The following PCDHA5 variants were observed in gnomAD, a reference collection of about 807,000 sequenced individuals.
PCDHA5 encodes protocadherin alpha 5, also known as protocadherin alpha-5.
PCDHA5 carries 43 observed loss-of-function variants against 61.6 expected under a neutral mutation model. The observed-to-expected ratio is 0.70, with a 90% CI of 0.55 to 0.90. The LOEUF (loss-of-function observed/expected upper bound fraction) is 0.90, where lower values mean the gene tolerates loss of function less well. PCDHA5 is among the 40% of genes least tolerant of loss of function. The pLI is 0.00. For synonymous variants in PCDHA5, 627 were observed against 543.9 expected, an observed-to-expected ratio of 1.15 and a Z score of -2.13; for missense variants, 1,298 against 1,222.7, an observed-to-expected ratio of 1.06 and a Z score of -0.92.
Position 140,882,398 on chromosome 5 carries a change from T to C in PCDHA5, c.2352+58271T>C, listed in dbSNP as rs782596260. The C allele has an allele frequency of 5.6e-6, 9 of 1,614,040 alleles. No individual in the cohort carries two copies. In the African/African-American group the frequency reaches 9.3e-5, roughly 17 times the overall value. On this transcript the variant is annotated intron_variant, in intron 1 of 3. Coordinates refer to ENST00000529859, the MANE Select transcript of PCDHA5 (RefSeq NM_018908.3). ...CCCCGAGGAAGCAAAACACGGCACCTTCGTGGGCCGCATCGCTCAGGACCT... is the reference window on the plus strand; with the variant it reads ...CCCCGAGGAAGCAAAACACGGCACCCTCGTGGGCCGCATCGCTCAGGACCT...
chr5:140,858,013 G>T, intron 1 of PCDHA5: 1 of 1,596,968 alleles, frequency 6.3e-7, no homozygotes, highest in Middle Eastern at 1.7e-4. Context: ...ACCATGGCGA[G>T]CCGTCGCTGA....
At chr5:140,955,293 T>A (rs2095165956) in intron 1 of PCDHA5, among the ~76,000 whole-genome samples, 1 of 152,182 alleles carries the variant, frequency 6.6e-6, no homozygotes, top group Non-Finnish European at 1.5e-5. Flanking sequence ...ATGGTTTGGC[T>A]GTGTCCCCAC....
At chr5:140,883,141 T>C (rs975281074) in intron 1 of PCDHA5, 5 of 1,614,092 alleles carry the variant, frequency 3.1e-6, no homozygotes, top group Non-Finnish European at 4.2e-6. Flanking sequence ...CAGTGGTATA[T>C]GCATTTACCA....
intron 1 of PCDHA5, chr5:140,857,275 C>T: frequency 6.3e-7 from 1 of 1,598,374 alleles, no homozygotes; most frequent in Non-Finnish European, 8.6e-7. Context: ...TGGTGCTGGA[C>T]AGCGCTCTGG....
chr5:140,929,306 A>G lies in PCDHA5; in HGVS notation c.2353-49643A>G, dbSNP rs781950847. 9 of 1,572,580 alleles carry G rather than the reference A, an allele frequency of 5.7e-6. No homozygotes were observed. The Admixed American group carries it at 9.0e-5, about 16-fold the overall frequency. On this transcript the variant is annotated intron_variant, in intron 1 of 3. Coordinates refer to ENST00000529859, the MANE Select transcript of PCDHA5 (RefSeq NM_018908.3). The stretch of plus-strand genomic sequence containing the variant: ...CAGATTCGGAATAGGAAAGGGGATC[A>G]CGCTAATGTCAATGCCATGGTAAGC...
In PCDHA5 at chr5:140,843,362, A is replaced by C. The variant is rs2150191261; in HGVS notation, c.2352+19235A>C. On this transcript the variant is annotated intron_variant, in intron 1 of 3. Transcript: ENST00000529859. ...CGGCCAGGCTCCAAAAGCGTCATCG[A>C]GGCAGTCGGCTGGCGTTTTGGGTCC... 3 of 1,595,998 alleles carry C rather than the reference A, an allele frequency of 1.9e-6. No homozygotes were observed. The East Asian group carries it at 6.7e-5, about 36-fold the overall frequency.
At chr5:140,849,595 C>T (rs2150441932) in intron 1 of PCDHA5, 1 of 1,598,688 alleles carries the variant, frequency 6.3e-7, no homozygotes, top group South Asian at 1.1e-5. Flanking sequence ...CAACTGGGGA[C>T]AGTTATTGCC....
intron 3 of PCDHA5, among the ~76,000 whole-genome samples, chr5:140,996,121 G>A (rs2097712758): frequency 6.6e-6 from 1 of 152,212 alleles, no homozygotes; most frequent in Admixed American, 6.5e-5. Flanking sequence ...GTGCAGGGTG[G>A]TGTAGAGGGT....
At chr5:140,858,437 G>A (rs1343643925) in intron 1 of PCDHA5, 1 of 1,541,834 alleles carries the variant, frequency 6.5e-7, no homozygotes, top group Non-Finnish European at 8.8e-7. Flanking sequence ...CTCTAGGAAG[G>A]TGGGTTATTA....
At chr5:140,828,189 A>G (rs2150152143) in intron 1 of PCDHA5, 1 of 1,613,890 alleles carries the variant, frequency 6.2e-7, no homozygotes, top group African/African-American at 1.3e-5. Context: ...CAGCTCCACT[A>G]CTCCGTACCC....
At chr5:140,981,289 C>G (rs1554242771) in intron 2 of PCDHA5, among the ~76,000 whole-genome samples, 1 of 152,138 alleles carries the variant, frequency 6.6e-6, no homozygotes, top group Non-Finnish European at 1.5e-5. Flanking sequence ...AAAGGGTCCT[C>G]TAGTCTAGGT....
Position 140,850,298 on chromosome 5 carries a change from G to C in PCDHA5, c.2352+26171G>C, listed in dbSNP as rs200693140. ...AGGTGCGCGCAGTGGACGCCGACTCGGGCTACAACGCGTGGCTTTCATACG... is the reference window on the plus strand; with the variant it reads ...AGGTGCGCGCAGTGGACGCCGACTCCGGCTACAACGCGTGGCTTTCATACG... On this transcript the variant is annotated intron_variant, in intron 1 of 3. Coordinates refer to ENST00000529859, the MANE Select transcript of PCDHA5 (RefSeq NM_018908.3). The C allele has an allele frequency of 4.2e-5, 67 of 1,596,354 alleles. 8 individuals are homozygous for C. Among genetic ancestry groups the C allele is most frequent in the Middle Eastern group, 3.9e-4 (2 of 5,190 alleles).
intron 1 of PCDHA5, chr5:140,824,781 C>T (rs140660450): frequency 8.6e-5 from 13 of 151,794 alleles, no homozygotes; most frequent in Admixed American, 5.2e-4. Flanking sequence ...TTTAACACCA[C>T]CCTTCCAATT....
At position 140,842,418 on chromosome 5, in the gene PCDHA5, G is replaced by A. The variant is rs2150335492; in HGVS notation, c.2352+18291G>A. The A allele has an allele frequency of 1.9e-5, 31 of 1,613,276 alleles. No individual in the cohort carries two copies. In the South Asian group the frequency reaches 2.9e-4, roughly 15 times the overall value. On this transcript the variant is annotated intron_variant, in intron 1 of 3. Coordinates refer to ENST00000529859, the MANE Select transcript of PCDHA5 (RefSeq NM_018908.3). ...CCTGTACGTGAAGACGCTCAATTTG[G>A]TACTGTCATCGCCCTAATTAGCGTG...
chr5:140,834,516 G>C (rs1433865569), intron 1 of PCDHA5: 40 of 1,613,992 alleles, frequency 2.5e-5, no homozygotes, highest in Non-Finnish European at 3.4e-5. Flanking sequence ...TGGCAACTTC[G>C]TGGGCCGCAT....
Position 140,823,530 on chromosome 5 carries a change from T to C in PCDHA5, c.1755T>C (p.Gly585=). Residue 585 remains glycine (G), a synonymous_variant, in exon 1 of 4, where the codon GGT becomes GGC. Coordinates refer to ENST00000529859, the MANE Select transcript of PCDHA5 (RefSeq NM_018908.3). ...GCGAGCTGGTGCCGAGGTCAGTGGG[T>C]GCGGGCCACGTGGTGGCGAAGGTGC... The part of the protein sequence containing the change: ...AVSELVPRSV[G]AGHVVAKVRA... 2 of 1,613,714 alleles carry C rather than the reference T, an allele frequency of 1.2e-6. No individual in the cohort carries two copies.
intron 3 of PCDHA5, among the ~76,000 whole-genome samples, chr5:141,005,701 CAAAAAAA>C (rs59860837): frequency 1.3e-4 from 1 of 7,786 alleles, no homozygotes; most frequent in African/African-American, 4.7e-4. Context: ...AACTCCGTCT[CAAAAAAA>C]AAAAAAAAAA....
rs1767900839 is a variant in PCDHA5 at position 140,823,849 on chromosome 5, C to A, written c.2074C>A (p.Leu692Met). 1.2e-6 allele frequency: 2 copies of A among 1,613,738 alleles called. No individual in the cohort carries two copies. The highest frequency in any genetic ancestry group is 1.7e-6 in the Non-Finnish European group (2 of 1,179,928). ...SAGAVGPEAA[L>M]VDVNVYLIIA... ...GGGCGCTGTGGGTCCCGAGGCTGCC[C>A]TGGTGGATGTCAACGTGTACCTGAT... is the stretch of plus-strand genomic sequence containing the variant. The change falls in exon 1 of 4, where the codon CTG becomes ATG. Residue 692 changes from leucine (L) to methionine (M), a missense_variant. Leu to Met is a conservative substitution (Grantham distance 15). Coordinates refer to ENST00000529859, the MANE Select transcript of PCDHA5 (RefSeq NM_018908.3).
intron 1 of PCDHA5, chr5:140,836,083 C>T (rs2150252253): frequency 1.9e-6 from 3 of 1,613,306 alleles, no homozygotes; most frequent in African/African-American, 2.7e-5. Context: ...GCACTGCTGG[C>T]GCCTCGGGTG....
Sources: gnomAD v4.1 joint callset for allele counts (sites outside exome capture counted in the v4.1 genomes callset) on GRCh38, gnomAD v4.1.1 for gene constraint, MANE v1.5 for transcripts, NCBI Gene and HGNC (gene_info 2026-07-23, HGNC 2026-07-21) for gene names.